Variants in BTBD9 observed in about 807,000 individuals in gnomAD.
BTBD9 encodes BTB/POZ domain-containing protein 9.
A neutral mutation model predicts 64.3 loss-of-function variants in BTBD9; 49 were observed. The observed-to-expected ratio is 0.76, with a 90% confidence interval of 0.61 to 0.97. The LOEUF (loss-of-function observed/expected upper bound fraction) is 0.97. BTBD9 is among the 50% of genes least tolerant of loss of function. The pLI, the probability that BTBD9 is intolerant of heterozygous loss-of-function variation, is 0.00. For missense variants in BTBD9, 598 were observed against 762.1 expected (o/e 0.78, Z 2.53); for synonymous variants, 260 against 274.7 (o/e 0.95, Z 0.53).
intron 6 of BTBD9, among the ~76,000 whole-genome samples, chr6:38,347,705 A>T (rs1047839781): frequency 6.6e-6 from 1 of 152,322 alleles, no homozygotes; most frequent in Non-Finnish European, 1.5e-5. Flanking sequence ...CTGAAGCTCT[A>T]CATTAAGAAT....
rs193122201 is a variant in BTBD9 at position 38,402,490 on chromosome 6, A to T, written c.1155-57397T>A. Reference sequence around the variant, plus strand: ...AACACTGGCATAAGGGTAGACATATAAACCAACAGAATAAAATTGAGAGCA... The same window carrying T: ...AACACTGGCATAAGGGTAGACATATTAACCAACAGAATAAAATTGAGAGCA... On this transcript the variant is annotated intron_variant, in intron 6 of 10. Coordinates refer to ENST00000481247, the MANE Select transcript of BTBD9 (RefSeq NM_001099272.2). Among the ~76,000 whole-genome samples, 97 of 152,324 alleles carry T rather than the reference A, an allele frequency of 6.4e-4. No individual in the cohort carries two copies. In the East Asian group the frequency reaches 0.013, roughly 21 times the overall value.
chr6:38,250,918 C>T (rs1764371546), intron 9 of BTBD9, among the ~76,000 whole-genome samples: 1 of 151,914 alleles, frequency 6.6e-6, no homozygotes, highest in African/African-American at 2.4e-5. Context: ...AACCCCTCTA[C>T]TAAAACTACA....
At chr6:38,556,517 G>A (rs1775020433) in intron 6 of BTBD9, among the ~76,000 whole-genome samples, 2 of 44,054 alleles carry the variant, frequency 4.5e-5, no homozygotes. Context: ...GTGTGTGTGT[G>A]TGTGTGTGTG....
At chr6:38,429,468 A>T (rs148968947) in intron 6 of BTBD9, among the ~76,000 whole-genome samples, 1 of 151,298 alleles carries the variant, frequency 6.6e-6, no homozygotes, top group African/African-American at 2.4e-5. Context: ...AAAAAAAAAA[A>T]AAAGAAAGAA....
At chr6:38,182,762 G>T (rs1402667860) in intron 10 of BTBD9, among the ~76,000 whole-genome samples, 1 of 152,150 alleles carries the variant, frequency 6.6e-6, no homozygotes, top group Non-Finnish European at 1.5e-5. Context: ...CTCACTGCTG[G>T]GAGGCTCCTG....
At chr6:38,563,984 G>A (rs941473001) in intron 6 of BTBD9, among the ~76,000 whole-genome samples, 36 of 151,520 alleles carry the variant, frequency 2.4e-4, no homozygotes, top group Middle Eastern at 3.4e-3. Flanking sequence ...GGGTTTCACC[G>A]TGTTAGCCAG....
chr6:38,494,546 TGG>T, intron 6 of BTBD9, among the ~76,000 whole-genome samples: 1 of 152,370 alleles, frequency 6.6e-6, no homozygotes, highest in East Asian at 1.9e-4. Flanking sequence ...ATACAAATTA[TGG>T]AACTCTATTT....
intron 7 of BTBD9, among the ~76,000 whole-genome samples, chr6:38,332,128 T>A (rs1235841843): frequency 6.6e-6 from 1 of 152,218 alleles, no homozygotes; most frequent in Non-Finnish European, 1.5e-5. Context: ...TCATCTTTTT[T>A]TTGTACTTAT....
intron 6 of BTBD9, among the ~76,000 whole-genome samples, chr6:38,406,232 C>A (rs543345888): frequency 6.6e-6 from 1 of 152,232 alleles, no homozygotes; most frequent in African/African-American, 2.4e-5. Context: ...ATTTTAGAGT[C>A]CCAGAAAAGA....
At chr6:38,527,451 T>A (rs1351569865) in intron 6 of BTBD9, among the ~76,000 whole-genome samples, 7 of 151,934 alleles carry the variant, frequency 4.6e-5, no homozygotes, top group Non-Finnish European at 1.0e-4. Flanking sequence ...AGGGGCAGTA[T>A]CCCCCATGCT....
At chr6:38,346,503 G>C (rs915686475) in intron 6 of BTBD9, among the ~76,000 whole-genome samples, 2 of 151,650 alleles carry the variant, frequency 1.3e-5, no homozygotes, top group African/African-American at 2.4e-5. Context: ...CTCTTCCCGT[G>C]TTGAGAATCA....
chr6:38,505,490 G>T lies in BTBD9; in HGVS notation c.1154+72110C>A, dbSNP rs554176931. 2.0e-5 allele frequency among the ~76,000 whole-genome samples: 3 copies of T among 152,144 alleles called. No homozygotes were observed. The East Asian group carries it at 5.8e-4, about 29-fold the overall frequency. On this transcript the variant is annotated intron_variant, in intron 6 of 10. Transcript: ENST00000481247. Reference sequence around the variant, plus strand: ...AAATACAAAATTAGCCAGGCGTGGTGGCAGGCACCTGTAATCCCAGCTACT... The same window carrying T: ...AAATACAAAATTAGCCAGGCGTGGTTGCAGGCACCTGTAATCCCAGCTACT...
chr6:38,462,114 T>C (rs2127353552), intron 6 of BTBD9, among the ~76,000 whole-genome samples: 1 of 152,316 alleles, frequency 6.6e-6, no homozygotes, highest in South Asian at 2.1e-4. Flanking sequence ...AACTTATCTT[T>C]TCATATTCTT....
At chr6:38,200,954 C>T (rs1488040223) in intron 9 of BTBD9, among the ~76,000 whole-genome samples, 1 of 151,790 alleles carries the variant, frequency 6.6e-6, no homozygotes, top group East Asian at 1.9e-4. Flanking sequence ...TGGGAGTTTG[C>T]GATTGCAGTG....
chr6:38,222,905 A>AT (rs1419758650), intron 9 of BTBD9, among the ~76,000 whole-genome samples: 1 of 151,962 alleles, frequency 6.6e-6, no homozygotes, highest in Non-Finnish European at 1.5e-5. Flanking sequence ...GTTTTATTTT[A>AT]TTTATTTATT....
chr6:38,245,555 A>G (rs1287416171), intron 9 of BTBD9, among the ~76,000 whole-genome samples: 1 of 152,202 alleles, frequency 6.6e-6, no homozygotes, highest in Non-Finnish European at 1.5e-5. Flanking sequence ...CAGATTGTGC[A>G]GGGCACTCTA....
chr6:38,205,274 A>G (rs1479691078), intron 9 of BTBD9, among the ~76,000 whole-genome samples: 2 of 152,180 alleles, frequency 1.3e-5, no homozygotes, highest in African/African-American at 4.8e-5. Context: ...TCCGCACCAA[A>G]GTATATTATT....
Position 38,210,536 on chromosome 6 carries a change from TTGTGTGTGTGTGTG to T in BTBD9, c.1563-17953_1563-17940del, listed in dbSNP as rs71542165. On this transcript the variant is annotated intron_variant, in intron 9 of 10. Coordinates refer to ENST00000481247, the MANE Select transcript of BTBD9 (RefSeq NM_001099272.2). ...AGTGGTGGTGGGAGAGTGCGTGTGT[TTGTGTGTGTGTGTG>T]TGTGTGTGTGTGTGTGTGTGTGTGT... 6.4e-4 allele frequency among the ~76,000 whole-genome samples: 94 copies of T among 146,452 alleles called. 1 individual carries two copies. The highest frequency in any genetic ancestry group is 1.9e-3 in the African/African-American group (73 of 39,246).
Position 38,338,931 on chromosome 6 carries a change from G to A in BTBD9, c.1264+6053C>T, listed in dbSNP as rs7745919. On this transcript the variant is annotated intron_variant, in intron 7 of 10. Coordinates refer to ENST00000481247, the MANE Select transcript of BTBD9 (RefSeq NM_001099272.2). ...ACTGAGATACCATTTCTCACCTATC[G>A]AACTGGCTAAAGTCCAGAAGTTTGA... Among the ~76,000 whole-genome samples the A allele has an allele frequency of 4.5e-3, 683 of 152,246 alleles. 3 individuals carry two copies. The highest frequency in any genetic ancestry group is 0.016 in the African/African-American group (655 of 41,550).
Sources: allele counts gnomAD v4.1 joint callset (sites outside exome capture counted in the v4.1 genomes callset), GRCh38; gene constraint gnomAD v4.1.1; transcripts MANE v1.5; gene names NCBI Gene and HGNC (gene_info 2026-07-23, HGNC 2026-07-21).